RUNX1: variants seen among roughly 807,000 people sequenced by gnomAD.
RUNX1 encodes RUNX family transcription factor 1.
A neutral mutation model predicts 42.8 loss-of-function variants in RUNX1; 19 were observed. That is an observed-to-expected ratio of 0.44 (90% CI 0.31 to 0.65). RUNX1 has a LOEUF of 0.65. Ranked by LOEUF, RUNX1 falls within the 30% of genes least tolerant of loss-of-function variation. The probability of loss-of-function intolerance (pLI) is 0.07; values close to 1 mark genes in which losing one functional copy is unlikely to be tolerated. For synonymous variants in RUNX1, 271 were observed against 289.4 expected (o/e 0.94, Z 0.64); for missense variants, 528 against 672.0 (o/e 0.79, Z 2.37).
At position 34,843,494 on chromosome 21, in the gene RUNX1, C is replaced by T. The variant is rs185897865; in HGVS notation, c.614-8893G>A. The stretch of plus-strand genomic sequence containing the variant: ...ACACATATACACATACATACATATA[C>T]ATCCATCACACATCCATACATCCAC... On this transcript the variant is annotated intron_variant, in intron 6 of 8. Coordinates refer to ENST00000675419, the MANE Select transcript of RUNX1 (RefSeq NM_001754.5). This position sits in a 1 kb window ranked among gnomAD's most constrained non-coding sequence, Gnocchi z 4.8. Among the ~76,000 whole-genome samples, 14 of 152,228 alleles carry T rather than the reference C, an allele frequency of 9.2e-5. No homozygotes were observed. Among genetic ancestry groups the T allele is most frequent in the East Asian group, 1.9e-4 (1 of 5,186 alleles).
intron 2 of RUNX1, among the ~76,000 whole-genome samples, chr21:34,970,459 G>A (rs1235911180): frequency 6.6e-6 from 1 of 152,180 alleles, no homozygotes; most frequent in Non-Finnish European, 1.5e-5. Context: ...GAAGAACAGG[G>A]GCACTGCTGT....
At chr21:34,912,143 C>G (rs1382730599) in intron 2 of RUNX1, among the ~76,000 whole-genome samples, 4 of 150,744 alleles carry the variant, frequency 2.7e-5, no homozygotes, top group Non-Finnish European at 5.9e-5. Context: ...AGTCAACAGA[C>G]ACTTCTTAAG....
At chr21:34,947,468 T>C (rs2058572323) in intron 2 of RUNX1, among the ~76,000 whole-genome samples, 1 of 152,218 alleles carries the variant, frequency 6.6e-6, no homozygotes, top group Admixed American at 6.5e-5. Context: ...TCACATTTTA[T>C]TATTTATAGA....
At chr21:35,031,158 G>T (rs1231133066) in intron 2 of RUNX1, among the ~76,000 whole-genome samples, 8 of 152,176 alleles carry the variant, frequency 5.3e-5, no homozygotes, top group Admixed American at 5.2e-4. Flanking sequence ...AGACCAGCCT[G>T]ACCAACATGG....
chr21:34,887,176 G>A, intron 3 of RUNX1, 80 bp from the exon 4 acceptor site: 17 of 1,396,322 alleles, frequency 1.2e-5, no homozygotes, highest in Non-Finnish European at 1.6e-5. Flanking sequence ...CAGGGGCGCG[G>A]ATCTTCAGCA....
intron 5 of RUNX1, among the ~76,000 whole-genome samples, chr21:34,877,185 C>T (rs2057826536): frequency 6.6e-6 from 1 of 152,128 alleles, no homozygotes; most frequent in Non-Finnish European, 1.5e-5. Context: ...TCTTAAATTT[C>T]TCTCAGCTGA....
intron 2 of RUNX1, among the ~76,000 whole-genome samples, chr21:35,019,100 G>A (rs1386351674): frequency 6.6e-6 from 1 of 152,164 alleles, no homozygotes; most frequent in African/African-American, 2.4e-5. Flanking sequence ...GCTTAGATTG[G>A]CCTGGGCTAA....
chr21:34,984,265 C>T (rs931749446), intron 2 of RUNX1, among the ~76,000 whole-genome samples: 18 of 152,190 alleles, frequency 1.2e-4, no homozygotes, highest in African/African-American at 4.3e-4. Flanking sequence ...CAGAAGAAAT[C>T]ATCACAGTGT....
chr21:35,035,116 A>C (rs2059298373), intron 2 of RUNX1, among the ~76,000 whole-genome samples: 1 of 152,218 alleles, frequency 6.6e-6, no homozygotes, highest in Non-Finnish European at 1.5e-5. Flanking sequence ...AATAGTGTCC[A>C]ATTTAAAATC....
chr21:34,888,653 G>T (rs1569086373), intron 3 of RUNX1: 13 of 1,050,114 alleles, frequency 1.2e-5, no homozygotes, highest in Non-Finnish European at 1.5e-5. Context: ...GGGTCCGGCC[G>T]CGGGGCGCCC....
intron 6 of RUNX1, among the ~76,000 whole-genome samples, chr21:34,848,287 G>A (rs547927370): frequency 1.2e-4 from 19 of 152,204 alleles, no homozygotes; most frequent in Non-Finnish European, 2.6e-4. Context: ...GCTCCAGCTC[G>A]CCTTTCAGGC....
intron 2 of RUNX1, among the ~76,000 whole-genome samples, chr21:34,910,219 T>C (rs1456584691): frequency 6.6e-6 from 1 of 152,214 alleles, no homozygotes; most frequent in African/African-American, 2.4e-5. Flanking sequence ...ACCACATCCA[T>C]GTGGCTCCCA....
chr21:34,818,024 A>T (rs1226091037), intron 7 of RUNX1, among the ~76,000 whole-genome samples: 9 of 152,270 alleles, frequency 5.9e-5, no homozygotes, highest in Admixed American at 2.6e-4. Context: ...AATGAATAAT[A>T]TGGAGCTGGG....
At chr21:34,821,380 A>G in intron 7 of RUNX1, 1 of 1,250,384 alleles carries the variant, frequency 8.0e-7, no homozygotes, top group Non-Finnish European at 1.0e-6. Context: ...TTTGTGAAGG[A>G]TTAATAAATA....
At chr21:35,019,104 G>A (rs2059180135) in intron 2 of RUNX1, among the ~76,000 whole-genome samples, 1 of 152,168 alleles carries the variant, frequency 6.6e-6, no homozygotes, top group African/African-American at 2.4e-5. Flanking sequence ...AGATTGGCCT[G>A]GGCTAACCTG....
At chr21:34,913,946 G>T (rs1388384114) in intron 2 of RUNX1, among the ~76,000 whole-genome samples, 1 of 152,122 alleles carries the variant, frequency 6.6e-6, no homozygotes, top group Non-Finnish European at 1.5e-5. Context: ...CTGTCAATGG[G>T]GTAAAATATG....
chr21:35,007,618 C>T (rs940222383), intron 2 of RUNX1, among the ~76,000 whole-genome samples: 2 of 152,156 alleles, frequency 1.3e-5, no homozygotes, highest in African/African-American at 4.8e-5. Context: ...GTACCAGAGT[C>T]CAGACCTTCA....
At chr21:34,863,311 C>T (rs1265443373) in intron 5 of RUNX1, among the ~76,000 whole-genome samples, 6 of 152,206 alleles carry the variant, frequency 3.9e-5, no homozygotes, top group Non-Finnish European at 8.8e-5. Context: ...ACACCTACCA[C>T]TGCCCCAAAA....
chr21:34,957,619 G>A (rs1292809887), intron 2 of RUNX1, among the ~76,000 whole-genome samples: 2 of 152,158 alleles, frequency 1.3e-5, no homozygotes, highest in Non-Finnish European at 2.9e-5. Flanking sequence ...CAGGGTGATA[G>A]ACTGAAGACC....
Sources: allele counts gnomAD v4.1 joint callset (sites outside exome capture counted in the v4.1 genomes callset), GRCh38; gene constraint gnomAD v4.1.1; non-coding constraint Gnocchi (gnomAD v3.1); transcripts MANE v1.5; gene names NCBI Gene and HGNC (gene_info 2026-07-23, HGNC 2026-07-21).